CSNK2A2IP: variants seen among roughly 807,000 people sequenced by gnomAD.
CSNK2A2IP encodes casein kinase 2 subunit alpha' interacting protein.
At chr3:88,389,779 A>C in the CSNK2A2IP span, among the ~76,000 whole-genome samples, 1 of 152,036 alleles carries the variant, frequency 6.6e-6, no homozygotes, top group East Asian at 1.9e-4. Flanking sequence ...ACAAAAATAC[A>C]CATTGGAGTG....
chr3:88,339,992 A>G, the CSNK2A2IP span, among the ~76,000 whole-genome samples: 4 of 152,138 alleles, frequency 2.6e-5, no homozygotes, highest in Non-Finnish European at 5.9e-5. Flanking sequence ...TTAGATATGC[A>G]TTGGTCCTTA....
the CSNK2A2IP span, among the ~76,000 whole-genome samples, chr3:88,352,387 G>T: frequency 1.3e-5 from 2 of 151,966 alleles, no homozygotes; most frequent in Non-Finnish European, 2.9e-5. Context: ...ATTTTTTGAG[G>T]TGTCATTTTG....
the CSNK2A2IP span, among the ~76,000 whole-genome samples, chr3:88,413,115 G>T: frequency 6.6e-6 from 1 of 151,960 alleles, no homozygotes; most frequent in African/African-American, 2.4e-5. Flanking sequence ...TGCCTCCTGT[G>T]ACTTTGATTT....
At chr3:88,435,217 G>A in the CSNK2A2IP span, among the ~76,000 whole-genome samples, 1 of 152,118 alleles carries the variant, frequency 6.6e-6, no homozygotes, top group Non-Finnish European at 1.5e-5. Flanking sequence ...CTTCCCAGGT[G>A]CCTCTGGGGA....
the CSNK2A2IP span, among the ~76,000 whole-genome samples, chr3:88,432,215 T>C: frequency 2.0e-5 from 3 of 151,932 alleles, no homozygotes; most frequent in African/African-American, 7.2e-5. Flanking sequence ...CAGTTAATAT[T>C]TTCACAATTG....
chr3:88,410,213 C>T, the CSNK2A2IP span, among the ~76,000 whole-genome samples: 3 of 151,974 alleles, frequency 2.0e-5, no homozygotes, highest in Non-Finnish European at 4.4e-5. Context: ...CTACATGGGG[C>T]GATAACTTTA....
chr3:88,350,631 A>G, the CSNK2A2IP span, among the ~76,000 whole-genome samples: 1 of 151,742 alleles, frequency 6.6e-6, no homozygotes, highest in Non-Finnish European at 1.5e-5. Context: ...ACAGAGCTGT[A>G]GTAAACACCA....
the CSNK2A2IP span, among the ~76,000 whole-genome samples, chr3:88,359,668 G>T: frequency 6.6e-6 from 1 of 152,182 alleles, no homozygotes; most frequent in Non-Finnish European, 1.5e-5. Context: ...GTGTTTGTAT[G>T]GTTTCCAAAG....
chr3:88,418,461 T>TGCGCGCGCGC, the CSNK2A2IP span, among the ~76,000 whole-genome samples: 14 of 75,870 alleles, frequency 1.8e-4, no homozygotes, highest in African/African-American at 6.0e-4. Flanking sequence ...TGTGTGTGTG[T>TGCGCGCGCGC]GTGCGCGCGG....
the CSNK2A2IP span, among the ~76,000 whole-genome samples, chr3:88,429,054 T>A: frequency 8.4e-6 from 1 of 118,740 alleles, no homozygotes; most frequent in Non-Finnish European, 1.9e-5. Flanking sequence ...AACACAATTC[T>A]TTTAACAATC....
At chr3:88,390,861 T>C in the CSNK2A2IP span, among the ~76,000 whole-genome samples, 1 of 152,204 alleles carries the variant, frequency 6.6e-6, no homozygotes, top group African/African-American at 2.4e-5. Flanking sequence ...ATCTGATGAC[T>C]ATATTTATGA....
At chr3:88,463,300 C>T in the CSNK2A2IP span, among the ~76,000 whole-genome samples, 2 of 148,074 alleles carry the variant, frequency 1.4e-5, no homozygotes, top group South Asian at 2.1e-4. Context: ...ATCTGAAGAG[C>T]CAACCTTGGA....
At chr3:88,422,862 TTTTCTCTAAAAACAGAAATGTGA>T in the CSNK2A2IP span, among the ~76,000 whole-genome samples, 1 of 152,232 alleles carries the variant, frequency 6.6e-6, no homozygotes. Context: ...TTCTCAGTTG[TTTTCTCTAAAAACAGAAATGTGA>T]TTTCACATTA....
the CSNK2A2IP span, among the ~76,000 whole-genome samples, chr3:88,461,509 A>C: frequency 4.6e-5 from 7 of 152,134 alleles, no homozygotes; most frequent in African/African-American, 7.2e-5. Context: ...GCCGAGATCA[A>C]GCCACTGCAC....
chr3:88,454,746 T>C, the CSNK2A2IP span, among the ~76,000 whole-genome samples: 2 of 152,020 alleles, frequency 1.3e-5, no homozygotes, highest in Admixed American at 1.3e-4. Context: ...GTAACAAAGC[T>C]AATTAGCATA....
At chr3:88,458,613 T>C in the CSNK2A2IP span, among the ~76,000 whole-genome samples, 1 of 139,014 alleles carries the variant, frequency 7.2e-6, no homozygotes, top group East Asian at 2.0e-4. Flanking sequence ...TAGTTTAATG[T>C]GCTCTTCTTT....
chr3:88,424,812 T>TA, the CSNK2A2IP span, among the ~76,000 whole-genome samples: 1 of 151,596 alleles, frequency 6.6e-6, no homozygotes, highest in Non-Finnish European at 1.5e-5. Flanking sequence ...AACAAAGCTT[T>TA]TTTTTTCTTT....
the CSNK2A2IP span, among the ~76,000 whole-genome samples, chr3:88,441,345 T>C: frequency 6.6e-6 from 1 of 152,150 alleles, no homozygotes; most frequent in African/African-American, 2.4e-5. Flanking sequence ...GAGAGGAAAG[T>C]TTTATTACTG....
chr3:88,409,786 AG>A, the CSNK2A2IP span, among the ~76,000 whole-genome samples: 1 of 152,018 alleles, frequency 6.6e-6, no homozygotes, highest in Non-Finnish European at 1.5e-5. Context: ...TAGTAAAGTC[AG>A]TGATATTGTC....
Sources: gnomAD v4.1 joint callset for allele counts (sites outside exome capture counted in the v4.1 genomes callset) on GRCh38, gnomAD v4.1.1 for gene constraint, MANE v1.5 for transcripts, NCBI Gene and HGNC (gene_info 2026-07-23, HGNC 2026-07-21) for gene names.